METAP2: variants seen among roughly 807,000 people sequenced by gnomAD.
The protein encoded by METAP2 is methionyl aminopeptidase 2, also known as methionine aminopeptidase 2.
In METAP2, 25 loss-of-function variants were observed where a neutral mutation model predicts 59.4. That is an observed-to-expected ratio of 0.42 (90% confidence interval 0.31 to 0.59). The LOEUF (loss-of-function observed/expected upper bound fraction) is 0.59, where lower values mean the gene tolerates loss of function less well. Among genes scored for constraint, METAP2 ranks in the 20% least tolerant of loss-of-function variants. The pLI is 0.16. For missense variants in METAP2, 366 were observed against 581.2 expected (o/e 0.63, Z 3.81); for synonymous variants, 214 against 194.1 (o/e 1.10, Z -0.85).
chr12:95,515,144 C>G lies in METAP2; in HGVS notation c.*1240C>G, dbSNP rs1594444931. The G allele has an allele frequency of 6.6e-6, 1 of 152,574 alleles. No homozygotes were observed. Among genetic ancestry groups the G allele is most frequent in the Non-Finnish European group, 1.5e-5 (1 of 68,024 alleles). 9.5% of individuals were successfully genotyped at this position (152,574 alleles called of 1,614,324 possible). A position where few individuals can be genotyped will look rare whatever the true frequency, so the allele number is the denominator to read the frequency against. On this transcript the variant is annotated 3_prime_UTR_variant, in exon 11 of 11. Coordinates refer to ENST00000323666, the MANE Select transcript of METAP2 (RefSeq NM_006838.4). ...TCAGTACAATGAGATTTTATTGCCT[C>G]TGGGATGCTGTTTAGTTTGTATTTT...
chr12:95,479,277 T>A (rs1445060366), intron 2 of METAP2, among the ~76,000 whole-genome samples: 1 of 151,962 alleles, frequency 6.6e-6, no homozygotes, highest in Non-Finnish European at 1.5e-5. Context: ...TGAACAGTAG[T>A]GTGGAAGCAG....
chr12:95,497,495 G>A (rs1176195698), intron 7 of METAP2, among the ~76,000 whole-genome samples: 3 of 152,222 alleles, frequency 2.0e-5, no homozygotes, highest in African/African-American at 7.2e-5. Context: ...CACTTGGATT[G>A]CTCCGATGTT....
chr12:95,490,441 G>T (rs532872701), intron 4 of METAP2, among the ~76,000 whole-genome samples: 2 of 151,312 alleles, frequency 1.3e-5, no homozygotes, highest in Admixed American at 1.3e-4. Context: ...TAAAGTATTA[G>T]CCAGTTTCTC....
chr12:95,495,225 TC>T (rs1394307352), intron 6 of METAP2, 87 bp downstream of exon 6: 6 of 1,163,200 alleles, frequency 5.2e-6, no homozygotes, highest in Non-Finnish European at 7.2e-6. Flanking sequence ...AATACTGAAC[TC>T]CCAAATTTTG....
chr12:95,490,324 G>A (rs2076228432), intron 4 of METAP2, among the ~76,000 whole-genome samples: 2 of 141,062 alleles, frequency 1.4e-5, no homozygotes, highest in African/African-American at 2.7e-5. Context: ...ATTTTCGGCT[G>A]GAATACTAGA....
chr12:95,511,644 G>A (rs1334720478), intron 8 of METAP2, among the ~76,000 whole-genome samples: 2 of 151,930 alleles, frequency 1.3e-5, no homozygotes, highest in African/African-American at 2.4e-5. Flanking sequence ...CGCTTGCCTC[G>A]GCCTCCCAGA....
chr12:95,512,287 G>A (rs1405451390), intron 9 of METAP2, among the ~76,000 whole-genome samples: 1 of 152,166 alleles, frequency 6.6e-6, no homozygotes, highest in Non-Finnish European at 1.5e-5. Context: ...GTAGAGCTGT[G>A]AACATAATTC....
intron 3 of METAP2, among the ~76,000 whole-genome samples, chr12:95,485,137 C>T (rs301035): frequency 7.9e-5 from 12 of 152,002 alleles, no homozygotes; most frequent in South Asian, 2.1e-4. Flanking sequence ...TTATAATTTT[C>T]GAAGGTTATC....
chr12:95,496,156 T>TAAA (rs1158503306), intron 7 of METAP2, 58 bp downstream of exon 7: 6 of 1,134,358 alleles, frequency 5.3e-6, no homozygotes, highest in Non-Finnish European at 7.7e-6. Flanking sequence ...TAAGGTCTTT[T>TAAA]AAACACTTAA....
chr12:95,482,972 C>T (rs933893830), intron 2 of METAP2, among the ~76,000 whole-genome samples: 3 of 152,178 alleles, frequency 2.0e-5, no homozygotes, highest in Admixed American at 2.0e-4. Flanking sequence ...TGGATTCCAA[C>T]TCCTTGGCTC....
chr12:95,515,398 C>T lies in METAP2; in HGVS notation c.*1494C>T, dbSNP rs1479754077. On this transcript the variant is annotated 3_prime_UTR_variant, in exon 11 of 11. Coordinates refer to ENST00000323666, the MANE Select transcript of METAP2 (RefSeq NM_006838.4). ...TGATGCTGTGGCTAGCAGCAGAGCT[C>T]GCCAGTTCATGCCTGGACATACTGT... is the stretch of plus-strand genomic sequence containing the variant. The T allele has an allele frequency of 6.6e-6, 1 of 152,244 alleles. No homozygotes were observed. The highest frequency in any genetic ancestry group is 1.5e-5 in the Non-Finnish European group (1 of 68,046). The allele number at this position is 152,244 out of a possible 1,614,324, so 9.4% of individuals were successfully genotyped here. A position where few individuals can be genotyped will look rare whatever the true frequency, so the allele number is the denominator to read the frequency against.
chr12:95,513,754 G>A lies in METAP2; in HGVS notation c.1287G>A (p.Leu429=). The A allele has an allele frequency of 6.2e-7, 1 of 1,614,188 alleles. No individual in the cohort carries two copies. Among genetic ancestry groups the A allele is most frequent in the Non-Finnish European group, 8.5e-7 (1 of 1,180,036 alleles). ...ATCGCTTGGGAGAAAGTAAATACTT[G>A]ATGGCTCTGAAGAATCTGTGTGACT... The part of the protein sequence containing the change: ...WLDRLGESKY[L]MALKNLCDLG... Residue 429 remains leucine, a synonymous_variant, in exon 11 of 11, where the codon TTG becomes TTA. Transcript: ENST00000323666.
At chr12:95,496,483 G>A (rs939118157) in intron 7 of METAP2, among the ~76,000 whole-genome samples, 1 of 151,918 alleles carries the variant, frequency 6.6e-6, no homozygotes. Flanking sequence ...TCCATTGTCA[G>A]CATCCCCACC....
chr12:95,513,122 C>A (rs2076416426), intron 10 of METAP2, among the ~76,000 whole-genome samples: 1 of 150,706 alleles, frequency 6.6e-6, no homozygotes, highest in Non-Finnish European at 1.5e-5. Context: ...CACACACACA[C>A]ACACACACAC....
chr12:95,490,085 A>G (rs1044412445), intron 4 of METAP2, among the ~76,000 whole-genome samples: 5 of 151,608 alleles, frequency 3.3e-5, no homozygotes, highest in South Asian at 2.1e-4. Flanking sequence ...GTGAGTCTGT[A>G]TATATATAGT....
intron 8 of METAP2, among the ~76,000 whole-genome samples, chr12:95,507,800 G>C (rs2076372807): frequency 6.7e-6 from 1 of 149,096 alleles, no homozygotes; most frequent in Non-Finnish European, 1.5e-5. Context: ...TTTTGAGAGA[G>C]ACTTTTGCTC....
intron 4 of METAP2, among the ~76,000 whole-genome samples, chr12:95,486,806 T>C (rs892884316): frequency 3.9e-5 from 6 of 152,144 alleles, no homozygotes; most frequent in African/African-American, 1.4e-4. Flanking sequence ...CAATATACCA[T>C]TATTAAATCA....
At chr12:95,482,775 G>C (rs1290851358) in intron 2 of METAP2, among the ~76,000 whole-genome samples, 1 of 152,170 alleles carries the variant, frequency 6.6e-6, no homozygotes, top group African/African-American at 2.4e-5. Flanking sequence ...CTGGGCAACA[G>C]AGCTAGACCC....
intron 8 of METAP2, among the ~76,000 whole-genome samples, chr12:95,505,974 G>T (rs1264620904): frequency 6.6e-6 from 1 of 151,664 alleles, no homozygotes; most frequent in Non-Finnish European, 1.5e-5. Context: ...GCACACACCT[G>T]TAATCTCAGC....
Sources: gnomAD v4.1 joint callset for allele counts (sites outside exome capture counted in the v4.1 genomes callset) on GRCh38, gnomAD v4.1.1 for gene constraint, MANE v1.5 for transcripts, NCBI Gene and HGNC (gene_info 2026-07-23, HGNC 2026-07-21) for gene names.